TMTC2: variants seen among roughly 807,000 people sequenced by gnomAD.
TMTC2 encodes the protein protein O-mannosyl-transferase TMTC2.
Under a neutral mutation model 82.4 loss-of-function variants are expected in TMTC2, and 43 were observed. The ratio of observed to expected loss-of-function variants is 0.52; its 90% CI spans 0.41 to 0.67. TMTC2 has a LOEUF of 0.67. TMTC2 is among the 30% of genes least tolerant of loss of function. The probability of loss-of-function intolerance (pLI) is 0.00; values close to 1 mark genes in which losing one functional copy is unlikely to be tolerated. For missense variants in TMTC2, 919 were observed against 1,012.4 expected, an observed-to-expected ratio of 0.91 and a Z score of 1.25; for synonymous variants, 408 against 381.9, an observed-to-expected ratio of 1.07 and a Z score of -0.80.
intron 11 of TMTC2, among the ~76,000 whole-genome samples, chr12:83,131,010 G>A (rs1288089014): frequency 2.0e-5 from 3 of 152,036 alleles, no homozygotes; most frequent in Admixed American, 6.6e-5. Context: ...TTGATTTTAC[G>A]GTAAAGAGTA....
intron 8 of TMTC2, chr12:82,986,309 T>G (rs547041829): frequency 2.5e-6 from 1 of 396,910 alleles, no homozygotes; most frequent in African/African-American, 2.0e-5. Context: ...TACATCTTGG[T>G]CTAGATAAGA....
intron 1 of TMTC2, among the ~76,000 whole-genome samples, chr12:82,733,807 A>G (rs1874954306): frequency 1.3e-5 from 2 of 152,246 alleles, no homozygotes; most frequent in Non-Finnish European, 1.5e-5. Flanking sequence ...TATAGATTAT[A>G]GAAAGATGGA....
At chr12:82,922,996 T>C (rs769723356) in intron 3 of TMTC2, among the ~76,000 whole-genome samples, 3 of 152,204 alleles carry the variant, frequency 2.0e-5, no homozygotes, top group Non-Finnish European at 4.4e-5. Context: ...TGAGAATTTA[T>C]GTGGGAGTGG....
chr12:83,079,968 T>G (rs1883408463), intron 11 of TMTC2, among the ~76,000 whole-genome samples: 1 of 152,208 alleles, frequency 6.6e-6, no homozygotes, highest in South Asian at 2.1e-4. Context: ...GGAATTATTT[T>G]GCTACCAAAG....
At chr12:82,815,294 TTAA>T (rs1254876555) in intron 1 of TMTC2, among the ~76,000 whole-genome samples, 10 of 150,184 alleles carry the variant, frequency 6.7e-5, no homozygotes, top group Admixed American at 1.3e-4. Context: ...TTTATTTTTT[TTAA>T]TTAATTAATT....
intron 11 of TMTC2, among the ~76,000 whole-genome samples, chr12:83,113,636 C>T (rs1429539487): frequency 2.0e-5 from 3 of 152,200 alleles, no homozygotes; most frequent in Non-Finnish European, 4.4e-5. Flanking sequence ...TAGAGTACAG[C>T]GTGGCTTCAC....
intron 11 of TMTC2, among the ~76,000 whole-genome samples, chr12:83,072,179 G>T (rs1048946225): frequency 1.3e-5 from 2 of 152,072 alleles, no homozygotes; most frequent in African/African-American, 4.8e-5. Context: ...TGCTTTTGCT[G>T]TATCCCTGAG....
At chr12:82,881,496 A>G (rs1018586698) in intron 2 of TMTC2, among the ~76,000 whole-genome samples, 1 of 152,224 alleles carries the variant, frequency 6.6e-6, no homozygotes, top group Admixed American at 6.5e-5. Context: ...GTCACCACCT[A>G]CAGGCTCCAA....
chr12:82,999,912 T>A (rs530276569), intron 8 of TMTC2, among the ~76,000 whole-genome samples: 13 of 152,266 alleles, frequency 8.5e-5, no homozygotes, highest in African/African-American at 3.1e-4. Flanking sequence ...TCTCCCAAAG[T>A]CTTAACTCAT....
chr12:82,794,328 C>T (rs543639205), intron 1 of TMTC2, among the ~76,000 whole-genome samples: 2 of 152,192 alleles, frequency 1.3e-5, no homozygotes, highest in Admixed American at 6.5e-5. Context: ...AAATGATGCA[C>T]GTTTCCCCTC....
intron 8 of TMTC2, among the ~76,000 whole-genome samples, chr12:83,015,816 G>A (rs1388433545): frequency 6.6e-6 from 1 of 152,206 alleles, no homozygotes; most frequent in Non-Finnish European, 1.5e-5. Context: ...GAATGGTCCA[G>A]TCCGGCGATA....
intron 1 of TMTC2, among the ~76,000 whole-genome samples, chr12:82,741,305 A>T (rs1350047207): frequency 6.6e-6 from 1 of 151,968 alleles, no homozygotes; most frequent in African/African-American, 2.4e-5. Context: ...TGTAGAGAAA[A>T]AGTCGGAGCT....
intron 11 of TMTC2, among the ~76,000 whole-genome samples, chr12:83,091,718 G>A (rs550187637): frequency 6.6e-6 from 1 of 152,084 alleles, no homozygotes. Flanking sequence ...ATTTTTTAGT[G>A]AGTTTTGTTA....
At chr12:83,058,928 T>C (rs1937992610) in intron 10 of TMTC2, among the ~76,000 whole-genome samples, 2 of 151,856 alleles carry the variant, frequency 1.3e-5, no homozygotes, top group South Asian at 4.1e-4. Context: ...TGTTTTTGCA[T>C]TATCCTCGTT....
At chr12:82,840,064 C>T (rs1257122912) in intron 1 of TMTC2, among the ~76,000 whole-genome samples, 1 of 152,116 alleles carries the variant, frequency 6.6e-6, no homozygotes, top group Non-Finnish European at 1.5e-5. Context: ...GGGGTATTGA[C>T]CAACATTTCA....
chr12:82,703,764 G>A (rs530512103), intron 1 of TMTC2, among the ~76,000 whole-genome samples: 3 of 152,286 alleles, frequency 2.0e-5, no homozygotes, highest in South Asian at 4.1e-4. Context: ...TGGGATTACA[G>A]GCGTGAGCCA....
intron 4 of TMTC2, among the ~76,000 whole-genome samples, chr12:82,962,599 T>C (rs964062209): frequency 6.6e-6 from 1 of 152,078 alleles, no homozygotes; most frequent in Non-Finnish European, 1.5e-5. Flanking sequence ...ATTTCATTTA[T>C]TTATTTTTAG....
intron 7 of TMTC2, among the ~76,000 whole-genome samples, chr12:82,980,811 A>G (rs866473932): frequency 1.3e-4 from 20 of 151,860 alleles, no homozygotes; most frequent in African/African-American, 4.6e-4. Flanking sequence ...ATAGCCACTT[A>G]CTATCTGAGG....
chr12:82,947,491 C>T (rs1358391824), intron 4 of TMTC2, among the ~76,000 whole-genome samples: 5 of 151,302 alleles, frequency 3.3e-5, no homozygotes, highest in Admixed American at 2.0e-4. Context: ...TACAGGCGCC[C>T]GCCACCATGC....
Sources: allele counts gnomAD v4.1 joint callset (sites outside exome capture counted in the v4.1 genomes callset), GRCh38; gene constraint gnomAD v4.1.1; transcripts MANE v1.5; gene names NCBI Gene and HGNC (gene_info 2026-07-23, HGNC 2026-07-21).